The following EPM2A variants were observed in gnomAD, a reference collection of about 807,000 sequenced individuals.
EPM2A encodes the protein laforin.
Under a neutral mutation model 26.5 loss-of-function variants are expected in EPM2A, and 21 were observed. The ratio of observed to expected loss-of-function variants is 0.79; its 90% CI spans 0.56 to 1.14. The LOEUF (loss-of-function observed/expected upper bound fraction) is 1.14. EPM2A is among the 50% of genes most tolerant of loss of function. The probability of loss-of-function intolerance (pLI) is 0.00; values close to 1 mark genes in which losing one functional copy is unlikely to be tolerated. For synonymous variants in EPM2A, 217 were observed against 177.6 expected (o/e 1.22, Z -1.76); for missense variants, 458 against 440.8 (o/e 1.04, Z -0.35).
At chr6:145,456,741 T>C (rs1582769906) in intron 4 of EPM2A, among the ~76,000 whole-genome samples, 1 of 151,872 alleles carries the variant, frequency 6.6e-6, no homozygotes, top group African/African-American at 2.4e-5. Context: ...TGATACATAC[T>C]TACATGAACA....
intron 2 of EPM2A, chr6:145,502,597 T>G: frequency 2.1e-6 from 1 of 470,540 alleles, no homozygotes; most frequent in South Asian, 1.6e-5. Flanking sequence ...AGGAGAGGAG[T>G]GGCAGCTTAT....
chr6:145,571,689 C>T (rs563698486), intron 2 of EPM2A, among the ~76,000 whole-genome samples: 2 of 152,316 alleles, frequency 1.3e-5, no homozygotes, highest in South Asian at 4.1e-4. Context: ...ATCGGGCACT[C>T]AGCAGTGGCC....
chr6:145,426,808 C>G (rs1201005588), intron 4 of EPM2A, among the ~76,000 whole-genome samples: 2 of 152,150 alleles, frequency 1.3e-5, no homozygotes, highest in African/African-American at 4.8e-5. Flanking sequence ...TCTTTGCTTT[C>G]ATCTACATTC....
intron 1 of EPM2A, among the ~76,000 whole-genome samples, chr6:145,696,348 A>C (rs1486476066): frequency 6.6e-6 from 1 of 152,152 alleles, no homozygotes; most frequent in Non-Finnish European, 1.5e-5. Context: ...GACAGAAGGA[A>C]TAAGTTTTTG....
At chr6:145,433,039 T>A (rs965197150) in intron 4 of EPM2A, among the ~76,000 whole-genome samples, 1 of 152,160 alleles carries the variant, frequency 6.6e-6, no homozygotes, top group African/African-American at 2.4e-5. Flanking sequence ...CTGGATTAGG[T>A]GTCAGCTTAA....
At chr6:145,409,586 TATTA>T (rs1425427227) in intron 4 of EPM2A, among the ~76,000 whole-genome samples, 4 of 152,236 alleles carry the variant, frequency 2.6e-5, no homozygotes, top group African/African-American at 9.6e-5. Flanking sequence ...CTATTTTTTC[TATTA>T]ATTATTTAAA....
chr6:145,735,292 C>A lies in EPM2A; in HGVS notation c.207G>T (p.Glu69Asp). The change falls in exon 1 of 4, where the codon GAG (glutamate) becomes GAT (aspartate). Residue 69 changes from glutamate (E) to aspartate (D), a missense_variant. Physicochemically the swap from Glu to Asp is conservative, Grantham distance 45. Coordinates refer to ENST00000367519, the MANE Select transcript of EPM2A (RefSeq NM_005670.4). ...LWLGEVELAA[E>D]EAAQDGAEPG... is the part of the protein sequence containing the mutation. ...GCTCCGCCCCGTCCTGCGCCGCCTC[C>A]TCGGCCGCCAGCTCCACCTCCCCGA... 1 of 1,483,200 alleles carries A rather than the reference C, an allele frequency of 6.7e-7. No individual in the cohort carries two copies. Among genetic ancestry groups the A allele is most frequent in the Middle Eastern group, 1.9e-4 (1 of 5,398 alleles). The allele number at this position is 1,483,200 out of a possible 1,614,324, so 91.9% of individuals were successfully genotyped here. A position where few individuals can be genotyped will look rare whatever the true frequency, so the allele number is the denominator to read the frequency against.
chr6:145,430,308 A>G (rs1038235184), intron 4 of EPM2A, among the ~76,000 whole-genome samples: 1 of 152,108 alleles, frequency 6.6e-6, no homozygotes, highest in African/African-American at 2.4e-5. Flanking sequence ...GGAGTTAAAA[A>G]TGGATCATTG....
At chr6:145,532,079 GC>G (rs1306632011) in intron 2 of EPM2A, among the ~76,000 whole-genome samples, 1 of 152,126 alleles carries the variant, frequency 6.6e-6, no homozygotes, top group Non-Finnish European at 1.5e-5. Flanking sequence ...AAAGAATGTT[GC>G]TAATTATACT....
At chr6:145,564,644 G>A (rs925742043) in intron 2 of EPM2A, among the ~76,000 whole-genome samples, 4 of 152,170 alleles carry the variant, frequency 2.6e-5, no homozygotes, top group South Asian at 2.1e-4. Context: ...TATAAATTAG[G>A]TGGCAGATTT....
intron 4 of EPM2A, among the ~76,000 whole-genome samples, chr6:145,429,543 G>A (rs1778896781): frequency 6.6e-6 from 1 of 152,020 alleles, no homozygotes; most frequent in Non-Finnish European, 1.5e-5. Flanking sequence ...TGTCAATCAT[G>A]TCAAAATTCT....
chr6:145,464,298 T>C (rs547221877), intron 4 of EPM2A, among the ~76,000 whole-genome samples: 1 of 152,238 alleles, frequency 6.6e-6, no homozygotes, highest in Admixed American at 6.5e-5. Context: ...TTCTGAGGCC[T>C]CCCCAGCCAT....
At chr6:145,577,215 T>C (rs973572885) in intron 2 of EPM2A, among the ~76,000 whole-genome samples, 1 of 151,948 alleles carries the variant, frequency 6.6e-6, no homozygotes, top group Admixed American at 6.6e-5. Context: ...GACTAAATTC[T>C]CCAATTAAAA....
chr6:145,663,437 C>A (rs9766595), intron 2 of EPM2A, among the ~76,000 whole-genome samples: 10,152 of 152,228 alleles, frequency 0.067, 1,137 homozygotes, highest in African/African-American at 0.23. Context: ...CGAGGCATTG[C>A]CTCACCTGGG....
At chr6:145,653,119 G>A (rs1778004721) in intron 2 of EPM2A, among the ~76,000 whole-genome samples, 1 of 152,174 alleles carries the variant, frequency 6.6e-6, no homozygotes. Flanking sequence ...CACATCACTT[G>A]ATATGGTTAG....
At chr6:145,733,134 A>T (rs887958423) in intron 1 of EPM2A, among the ~76,000 whole-genome samples, 6 of 152,244 alleles carry the variant, frequency 3.9e-5, no homozygotes, top group Admixed American at 6.5e-5. Context: ...TTGATAATGT[A>T]AAAGTCATAA....
intron 4 of EPM2A, among the ~76,000 whole-genome samples, chr6:145,489,376 C>T (rs1204894735): frequency 6.6e-6 from 1 of 152,070 alleles, no homozygotes; most frequent in Non-Finnish European, 1.5e-5. Flanking sequence ...CATATGCAAC[C>T]TTGTATTAAG....
intron 2 of EPM2A, among the ~76,000 whole-genome samples, chr6:145,605,124 A>T (rs1454447232): frequency 6.6e-6 from 1 of 152,160 alleles, no homozygotes; most frequent in African/African-American, 2.4e-5. Flanking sequence ...TGGCCTACTT[A>T]TTTAAGAAAA....
chr6:145,621,529 C>T (rs752289001), downstream of EPM2A, among the ~76,000 whole-genome samples: 1 of 151,838 alleles, frequency 6.6e-6, no homozygotes, highest in Admixed American at 6.6e-5. Flanking sequence ...TTTTCCATAA[C>T]GGCTGTACTG....
Sources: gnomAD v4.1 joint callset for allele counts (sites outside exome capture counted in the v4.1 genomes callset) on GRCh38, gnomAD v4.1.1 for gene constraint, MANE v1.5 for transcripts, NCBI Gene and HGNC (gene_info 2026-07-23, HGNC 2026-07-21) for gene names.